KLRC2: variants seen among roughly 807,000 people sequenced by gnomAD.
The protein encoded by KLRC2 is killer cell lectin like receptor C2, also known as NKG2-C type II integral membrane protein.
KLRC2 carries 10 observed loss-of-function variants against 25.5 expected under a neutral mutation model. That is an observed-to-expected ratio of 0.39 (90% CI 0.24 to 0.67). The LOEUF is 0.67. Among genes scored for constraint, KLRC2 ranks in the 30% least tolerant of loss-of-function variants. The probability of loss-of-function intolerance (pLI) is 0.45; values close to 1 mark genes in which losing one functional copy is unlikely to be tolerated. For missense variants in KLRC2, 170 were observed against 272.8 expected (o/e 0.62, Z 2.65); for synonymous variants, 48 against 93.3 (o/e 0.51, Z 2.80).
At chr12:10,431,252 T>C (rs1264372074) in intron 5 of KLRC2, 24 bp from the exon 6 acceptor site, 1 of 1,519,346 alleles carries the variant, frequency 6.6e-7, no homozygotes, top group East Asian at 2.4e-5. Context: ...AAATCCATTT[T>C]CTGTTACATT....
chr12:10,431,207 A>C lies in KLRC2; in HGVS notation c.606T>G (p.Ala202=). The C allele has an allele frequency of 6.5e-7, 1 of 1,548,148 alleles. No individual in the cohort carries two copies. The highest frequency in any genetic ancestry group is 8.8e-7 in the Non-Finnish European group (1 of 1,133,738). ...FKHKIKDSDN[A]ELNCAVLQVN... Reference sequence around the variant, plus strand: ...CTTGTAGCACTGCACAGTTAAGTTCAGCATTATCTGAGTCTTTTATCCTGT... The same window carrying C: ...CTTGTAGCACTGCACAGTTAAGTTCCGCATTATCTGAGTCTTTTATCCTGT... The change falls in exon 6 of 6, where the codon GCT becomes GCG. Residue 202 remains alanine (A), a synonymous_variant. Coordinates refer to ENST00000381902, the MANE Select transcript of KLRC2 (RefSeq NM_002260.4).
At chr12:10,432,441 G>A (rs2741884) in intron 4 of KLRC2, among the ~76,000 whole-genome samples, 43,516 of 82,540 alleles carry the variant, frequency 0.53, 16,192 homozygotes, top group Non-Finnish European at 0.75. Context: ...CAGAATAAAC[G>A]CAGGAAGGGT....
chr12:10,431,329 G>A, intron 5 of KLRC2, 101 bp from the exon 6 acceptor site: 2 of 1,392,788 alleles, frequency 1.4e-6, no homozygotes, highest in Admixed American at 3.6e-5. Context: ...TCATGGAAAA[G>A]GGTAATTAAA....
rs566125493 is a variant in KLRC2 at position 10,432,004 on chromosome 12, T to A, written c.584+102A>T. 3.0e-6 allele frequency: 3 copies of A among 1,009,954 alleles called. No homozygotes were observed. In the African/African-American group the frequency reaches 5.5e-5, roughly 19 times the overall value. 62.6% of individuals were successfully genotyped at this position (1,009,954 alleles called of 1,614,324 possible). A position where few individuals can be genotyped will look rare whatever the true frequency, so the allele number is the denominator to read the frequency against. ...ATCAACATTTCACTAACTTTCCACA[T>A]CTTTCTTCATGTCAATGATTCCACA... On this transcript the variant is annotated intron_variant, in intron 5 of 5. Coordinates refer to ENST00000381902, the MANE Select transcript of KLRC2 (RefSeq NM_002260.4).
intron 5 of KLRC2, 154 bp from the exon 6 acceptor site, chr12:10,431,382 C>T (rs145669848): frequency 4.5e-6 from 4 of 892,762 alleles, no homozygotes; most frequent in East Asian, 6.7e-5. Flanking sequence ...GAACACTCAA[C>T]AGAGTAGTCC....
chr12:10,434,771 T>G (rs1372393385), intron 2 of KLRC2, among the ~76,000 whole-genome samples: 1 of 152,086 alleles, frequency 6.6e-6, no homozygotes, highest in African/African-American at 2.4e-5. Context: ...CAAAAATTAA[T>G]TTGTTTTTCT....
intron 4 of KLRC2, among the ~76,000 whole-genome samples, chr12:10,433,071 T>C (rs1459515280): frequency 1.4e-5 from 2 of 141,204 alleles, no homozygotes; most frequent in Non-Finnish European, 3.1e-5. Context: ...AGGATGGCTG[T>C]GGATGAGGAG....
At chr12:10,432,071 A>G (rs759906973) in intron 5 of KLRC2, 35 bp downstream of exon 5, 3 of 1,362,570 alleles carry the variant, frequency 2.2e-6, no homozygotes, top group Middle Eastern at 1.9e-4. Flanking sequence ...TCCTTTATAT[A>G]TATTTTTTAT....
Position 10,431,377 on chromosome 12 carries a change from C to T in KLRC2, c.585-149G>A, listed in dbSNP as rs1183352956. 4 of 936,536 alleles carry T rather than the reference C, an allele frequency of 4.3e-6. 1 individual carries two copies. Among genetic ancestry groups the T allele is most frequent in the South Asian group, 1.4e-5 (1 of 70,114 alleles). The allele number at this position is 936,536 out of a possible 1,614,324, so 58.0% of individuals were successfully genotyped here. On this transcript the variant is annotated intron_variant, in intron 5 of 5. Transcript: ENST00000381902. ...TTAGTAAGAGTCATTATTCTGAACA[C>T]TCAACAGAGTAGTCCCTCTTCATCC...
At position 10,432,176 on chromosome 12, in the gene KLRC2, A is replaced by G. The variant is rs1229963815; in HGVS notation, c.514T>C (p.Trp172Arg). The G allele has an allele frequency of 2.7e-6, 4 of 1,493,378 alleles. 1 individual carries two copies. Among genetic ancestry groups the G allele is most frequent in the Admixed American group, 1.8e-5 (1 of 54,458 alleles). 92.5% of individuals were successfully genotyped at this position (1,493,378 alleles called of 1,614,324 possible). A position where few individuals can be genotyped will look rare whatever the true frequency, so the allele number is the denominator to read the frequency against. ...CTGCTGTTACGAAACACACCAATCC[A>G]TGAGGAAGGTAAAATGCTGGCCAGA... ...KFLASILPSS[W>R]IGVFRNSSHH... Residue 172 changes from tryptophan (W) to arginine (R), a missense_variant, in exon 5 of 6, where the codon TGG becomes CGG. Trp to Arg is a moderately radical substitution (Grantham distance 101). This residue lies in a region of KLRC2 where 129 missense variants were observed against 150.2 expected (regional missense o/e 0.86). Transcript: ENST00000381902.
At position 10,435,978 on chromosome 12, in the gene KLRC2, T is replaced by C; in HGVS notation, c.9A>G (p.Lys3=). 1.2e-6 allele frequency: 2 copies of C among 1,607,384 alleles called. No individual in the cohort carries two copies. The highest frequency in any genetic ancestry group is 8.5e-7 in the Non-Finnish European group (1 of 1,177,032). Residue 3 remains lysine (K), a synonymous_variant, in exon 1 of 6, where the codon AAA becomes AAG. Transcript: ENST00000381902. The stretch of plus-strand genomic sequence containing the variant: ...TCACTTCTGAGAAGGTTCCTCTTTG[T>C]TTATTCATCTCTGCAGCTGTGTGAT... MN[K]QRGTFSEVSL...
chr12:10,432,076 T>G, intron 5 of KLRC2, 30 bp downstream of exon 5: 2 of 1,401,100 alleles, frequency 1.4e-6, no homozygotes, highest in South Asian at 2.5e-5. Context: ...TATATATATT[T>G]TTTATATAGC....
intron 4 of KLRC2, among the ~76,000 whole-genome samples, chr12:10,433,108 C>T (rs1353207971): frequency 7.1e-6 from 1 of 141,400 alleles, no homozygotes; most frequent in Non-Finnish European, 1.5e-5. Context: ...CCATGACTAA[C>T]AGTGCACCGT....
At chr12:10,434,745 T>C (rs1863852501) in intron 2 of KLRC2, among the ~76,000 whole-genome samples, 1 of 151,950 alleles carries the variant, frequency 6.6e-6, no homozygotes, top group Non-Finnish European at 1.5e-5. Context: ...CTTGTAGTAT[T>C]TGATGTAACC....
intron 2 of KLRC2, among the ~76,000 whole-genome samples, chr12:10,434,832 CTT>C (rs1166631270): frequency 2.0e-5 from 3 of 151,700 alleles, no homozygotes; most frequent in African/African-American, 4.9e-5. Flanking sequence ...CAGAAAATAT[CTT>C]TGTGTGTGTA....
At chr12:10,431,808 C>CGTTAGT (rs1863819701) in intron 5 of KLRC2, among the ~76,000 whole-genome samples, 1 of 135,162 alleles carries the variant, frequency 7.4e-6, no homozygotes, top group Admixed American at 7.2e-5. Flanking sequence ...CGTCAGCTAT[C>CGTTAGT]GTTAGTGTTA....
In KLRC2 at chr12:10,431,100, A is replaced by T; in HGVS notation, c.*17T>A. The T allele has an allele frequency of 6.9e-7, 1 of 1,440,354 alleles. No individual in the cohort carries two copies. Among genetic ancestry groups the T allele is most frequent in the East Asian group, 2.4e-5 (1 of 41,200 alleles). The allele number at this position is 1,440,354 out of a possible 1,614,324, so 89.2% of individuals were successfully genotyped here. On this transcript the variant is annotated 3_prime_UTR_variant, in exon 6 of 6. Coordinates refer to ENST00000381902, the MANE Select transcript of KLRC2 (RefSeq NM_002260.4). ...ATAAAATGTATCTGATGCACTGCAA[A>T]CGCAAATGCTTTACTTCTAAAGCTT...
At chr12:10,432,926 G>A (rs1395706055) in intron 4 of KLRC2, among the ~76,000 whole-genome samples, 1 of 138,522 alleles carries the variant, frequency 7.2e-6, no homozygotes, top group African/African-American at 2.8e-5. Context: ...CCTGGCAATA[G>A]GAGGAGGGTA....
At chr12:10,433,718 TG>T in intron 4 of KLRC2, 72 bp downstream of exon 4, 1 of 1,392,360 alleles carries the variant, frequency 7.2e-7, no homozygotes, top group South Asian at 1.2e-5. Context: ...TACACACATA[TG>T]GATGTTTTCT....
Sources: allele counts gnomAD v4.1 joint callset (sites outside exome capture counted in the v4.1 genomes callset), GRCh38; gene constraint gnomAD v4.1.1; regional missense constraint gnomAD v4.1.1; transcripts MANE v1.5; gene names NCBI Gene and HGNC (gene_info 2026-07-23, HGNC 2026-07-21).